UBE2E2: variants seen among roughly 807,000 people sequenced by gnomAD.
UBE2E2 encodes the protein ubiquitin conjugating enzyme E2 E2.
Under a neutral mutation model 24.7 loss-of-function variants are expected in UBE2E2, and 6 were observed. That is an observed-to-expected ratio of 0.24 (90% confidence interval 0.13 to 0.48). The LOEUF (loss-of-function observed/expected upper bound fraction) is 0.48. Ranked by LOEUF, UBE2E2 falls within the 20% of genes least tolerant of loss-of-function variation. The probability of loss-of-function intolerance (pLI) is 0.99; values close to 1 mark genes in which losing one functional copy is unlikely to be tolerated. For synonymous variants in UBE2E2, 104 were observed against 83.6 expected, an observed-to-expected ratio of 1.24 and a Z score of -1.33; for missense variants, 169 against 245.0, an observed-to-expected ratio of 0.69 and a Z score of 2.07.
At chr3:23,557,893 T>G (rs1431928758) in intron 5 of UBE2E2, among the ~76,000 whole-genome samples, 2 of 152,236 alleles carry the variant, frequency 1.3e-5, no homozygotes, top group African/African-American at 4.8e-5. Flanking sequence ...CCTTGGAGTT[T>G]ATAGGGATCT....
intron 3 of UBE2E2, among the ~76,000 whole-genome samples, chr3:23,338,111 A>G (rs2125307396): frequency 6.6e-6 from 1 of 152,350 alleles, no homozygotes; most frequent in South Asian, 2.1e-4. Context: ...CAAGATGGGT[A>G]AAACTGGAAG....
At chr3:23,342,769 G>T (rs1261102199) in intron 3 of UBE2E2, among the ~76,000 whole-genome samples, 1 of 152,112 alleles carries the variant, frequency 6.6e-6, no homozygotes, top group Non-Finnish European at 1.5e-5. Context: ...AGGTGAATTT[G>T]ATAGAAATGG....
At chr3:23,445,989 G>T (rs910551738) in intron 3 of UBE2E2, among the ~76,000 whole-genome samples, 3 of 152,096 alleles carry the variant, frequency 2.0e-5, no homozygotes, top group Non-Finnish European at 4.4e-5. Context: ...TCTTCAGCCT[G>T]GGGGAACAGA....
intron 3 of UBE2E2, among the ~76,000 whole-genome samples, chr3:23,391,369 C>G (rs567858475): frequency 6.6e-6 from 1 of 152,298 alleles, no homozygotes; most frequent in East Asian, 1.9e-4. Context: ...AACCATAGTT[C>G]AGGAATGTGG....
At chr3:23,408,855 A>T (rs1416517650) in intron 3 of UBE2E2, among the ~76,000 whole-genome samples, 3 of 152,024 alleles carry the variant, frequency 2.0e-5, no homozygotes, top group Admixed American at 6.6e-5. Context: ...CCTTACCTTG[A>T]TTTAGTATCA....
intron 3 of UBE2E2, among the ~76,000 whole-genome samples, chr3:23,278,217 G>GTTAT (rs1167719226): frequency 6.6e-6 from 1 of 151,994 alleles, no homozygotes; most frequent in Non-Finnish European, 1.5e-5. Flanking sequence ...ACATAATTAA[G>GTTAT]TTATGTATGT....
chr3:23,529,081 C>T (rs1009816681), intron 4 of UBE2E2, among the ~76,000 whole-genome samples: 8 of 152,152 alleles, frequency 5.3e-5, no homozygotes, highest in Non-Finnish European at 7.3e-5. Flanking sequence ...ATTTATATAG[C>T]GTTCTTGAAA....
chr3:23,257,975 T>C (rs963504600), intron 3 of UBE2E2, among the ~76,000 whole-genome samples: 2 of 151,936 alleles, frequency 1.3e-5, no homozygotes, highest in African/African-American at 4.8e-5. Flanking sequence ...CTAGGAGAGG[T>C]GATTATTGGA....
chr3:23,326,490 G>T (rs1159662921), intron 3 of UBE2E2, among the ~76,000 whole-genome samples: 1 of 152,144 alleles, frequency 6.6e-6, no homozygotes, highest in East Asian at 1.9e-4. Context: ...CAGCTGCTGA[G>T]ATTTTTATGT....
rs11356321 is a variant in UBE2E2, at chr3:23,589,427, GA to G, written c.509-294del. Among the ~76,000 whole-genome samples, 45,671 of 137,436 alleles carry G rather than the reference GA, an allele frequency of 0.33. 7,682 individuals carry two copies. The highest frequency in any genetic ancestry group is 0.52 in the East Asian group (2,506 of 4,866). The allele number at this position is 137,436 out of a possible 152,430, so 90.2% of individuals were successfully genotyped here. On this transcript the variant is annotated intron_variant, in intron 5 of 5. Transcript: ENST00000396703. This position sits in a 1 kb window ranked among gnomAD's most constrained non-coding sequence, Gnocchi z 4.1. ...GACAGAGCAACACCCTGTCTCAAAA[GA>G]AAAAAAAAAAAACCAATACGAGGGG...
intron 5 of UBE2E2, among the ~76,000 whole-genome samples, chr3:23,582,186 A>G (rs1696496189): frequency 6.6e-6 from 1 of 152,182 alleles, no homozygotes; most frequent in Non-Finnish European, 1.5e-5. Flanking sequence ...TTTGCTTAAG[A>G]TGATGGCCTC....
intron 3 of UBE2E2, among the ~76,000 whole-genome samples, chr3:23,447,512 G>A (rs557114614): frequency 7.9e-5 from 12 of 152,134 alleles, no homozygotes; most frequent in Non-Finnish European, 1.6e-4. Context: ...GGGCAGTTGT[G>A]GAGAGAAATT....
chr3:23,239,210 G>C (rs2359638), intron 3 of UBE2E2, among the ~76,000 whole-genome samples: 50,866 of 151,862 alleles, frequency 0.33, 8,769 homozygotes, highest in South Asian at 0.4. Context: ...GAACTACTAA[G>C]TTATCGAGGT....
chr3:23,373,815 G>A (rs1696454814), intron 3 of UBE2E2, among the ~76,000 whole-genome samples: 1 of 152,092 alleles, frequency 6.6e-6, no homozygotes. Flanking sequence ...AAATTATATG[G>A]TCACTATACA....
At chr3:23,350,866 G>A (rs986629807) in intron 3 of UBE2E2, among the ~76,000 whole-genome samples, 3 of 152,124 alleles carry the variant, frequency 2.0e-5, no homozygotes, top group African/African-American at 7.2e-5. Flanking sequence ...CCAACATTCA[G>A]ATTCAGGAAA....
At chr3:23,538,787 A>G (rs188272527) in intron 5 of UBE2E2, among the ~76,000 whole-genome samples, 1 of 152,292 alleles carries the variant, frequency 6.6e-6, no homozygotes, top group Non-Finnish European at 1.5e-5. Context: ...ACAAAAAATA[A>G]CAATTCTGAG....
intron 3 of UBE2E2, among the ~76,000 whole-genome samples, chr3:23,487,162 AC>A (rs1295242540): frequency 1.3e-5 from 2 of 152,202 alleles, no homozygotes; most frequent in Admixed American, 6.5e-5. Flanking sequence ...TGACAGCACC[AC>A]CCCAAGTGTG....
At chr3:23,528,243 A>G (rs1435440766) in intron 4 of UBE2E2, among the ~76,000 whole-genome samples, 1 of 152,238 alleles carries the variant, frequency 6.6e-6, no homozygotes, top group Non-Finnish European at 1.5e-5. Context: ...AATCTCATAG[A>G]AACCCAGATG....
chr3:23,375,102 G>A (rs1275061856), intron 3 of UBE2E2, among the ~76,000 whole-genome samples: 2 of 152,072 alleles, frequency 1.3e-5, no homozygotes, highest in African/African-American at 4.8e-5. Flanking sequence ...CAGAGAATGT[G>A]GTGCTATAAA....
Sources: gnomAD v4.1 joint callset for allele counts (sites outside exome capture counted in the v4.1 genomes callset) on GRCh38, gnomAD v4.1.1 for gene constraint, Gnocchi (gnomAD v3.1) non-coding constraint, MANE v1.5 for transcripts, NCBI Gene and HGNC (gene_info 2026-07-23, HGNC 2026-07-21) for gene names.